Variants in PLCG2 observed in about 807,000 individuals in gnomAD.
The protein encoded by PLCG2 is phospholipase C gamma 2.
Under a neutral mutation model 175.6 loss-of-function variants are expected in PLCG2, and 69 were observed. The observed-to-expected ratio is 0.39, with a 90% CI of 0.32 to 0.48. PLCG2 has a LOEUF of 0.48. PLCG2 is among the 20% of genes least tolerant of loss of function. The pLI, the probability that PLCG2 is intolerant of heterozygous loss-of-function variation, is 0.91. For missense variants in PLCG2, 1,798 were observed against 1,650.9 expected (o/e 1.09, Z -1.54); for synonymous variants, 827 against 624.0 (o/e 1.33, Z -4.85).
At chr16:81,781,876 C>A (rs1417284394) in intron 1 of PLCG2, among the ~76,000 whole-genome samples, 1 of 3,486 alleles carries the variant, frequency 2.9e-4, no homozygotes, top group Non-Finnish European at 5.3e-4. Flanking sequence ...CCCCCCCCCC[C>A]CCCGCCCGCC....
intron 9 of PLCG2, 63 bp from the exon 10 acceptor site, chr16:81,889,109 G>T: frequency 9.9e-7 from 1 of 1,005,556 alleles, no homozygotes; most frequent in East Asian, 2.6e-5. Flanking sequence ...GATGGACCCT[G>T]GGAAATGAAG....
In PLCG2 at chr16:81,962,356, T is replaced by A. The variant is rs1911809245; in HGVS notation, c.*4358T>A. On this transcript the variant is annotated 3_prime_UTR_variant, in exon 33 of 33. Transcript: ENST00000564138. Reference sequence around the variant, plus strand: ...AAAAGTTAATAATTAGATTTGGAATTATACAGAATTAGAAAATTGGCATTT... The same window carrying A: ...AAAAGTTAATAATTAGATTTGGAATAATACAGAATTAGAAAATTGGCATTT... 1 of 207,428 alleles carries A rather than the reference T, an allele frequency of 4.8e-6. No individual in the cohort carries two copies. Among genetic ancestry groups the A allele is most frequent in the African/African-American group, 2.3e-5 (1 of 43,978 alleles). The allele number at this position is 207,428 out of a possible 1,614,324, so 12.8% of individuals were successfully genotyped here.
chr16:81,918,697 G>A (rs1909940431), intron 19 of PLCG2, among the ~76,000 whole-genome samples: 1 of 152,122 alleles, frequency 6.6e-6, no homozygotes, highest in African/African-American at 2.4e-5. Context: ...CTGCAGCTTT[G>A]TTATTTTTGC....
At chr16:81,885,624 C>A (rs959982384) in intron 9 of PLCG2, among the ~76,000 whole-genome samples, 4 of 149,832 alleles carry the variant, frequency 2.7e-5, no homozygotes, top group Non-Finnish European at 4.5e-5. Flanking sequence ...ACAGATAGAA[C>A]TTTTTTTTTT....
intron 26 of PLCG2, among the ~76,000 whole-genome samples, chr16:81,934,874 AAACCATCAG>A (rs1910643364): frequency 6.6e-6 from 1 of 152,144 alleles, no homozygotes; most frequent in Admixed American, 6.5e-5. Flanking sequence ...AACCCTTATA[AAACCATCAG>A]ATCTCGCGAG....
intron 2 of PLCG2, among the ~76,000 whole-genome samples, chr16:81,764,869 C>A (rs1449265631): frequency 6.6e-6 from 1 of 152,050 alleles, no homozygotes; most frequent in Non-Finnish European, 1.5e-5. Flanking sequence ...GTGGGCAGAT[C>A]ACTTGAGCTC....
chr16:81,897,548 C>CTTTTTTTTT (rs10710027), intron 13 of PLCG2, among the ~76,000 whole-genome samples: 1 of 128,676 alleles, frequency 7.8e-6, no homozygotes, highest in Non-Finnish European at 1.6e-5. Context: ...CTTTTCTTTT[C>CTTTTTTTTT]TTTTTTTTTT....
chr16:81,805,786 T>G (rs1318861184), intron 2 of PLCG2, among the ~76,000 whole-genome samples: 1 of 142,156 alleles, frequency 7.0e-6, no homozygotes, highest in African/African-American at 2.7e-5. Context: ...TTTTTTTGTT[T>G]TTTTTTTTTT....
At chr16:81,824,294 T>C (rs13335168) in intron 2 of PLCG2, among the ~76,000 whole-genome samples, 6,026 of 152,054 alleles carry the variant, frequency 0.04, 172 homozygotes, top group African/African-American at 0.073. Context: ...TCACCACACC[T>C]GGCTAATTTG....
intron 5 of PLCG2, among the ~76,000 whole-genome samples, chr16:81,862,634 C>T (rs1907038467): frequency 6.6e-6 from 1 of 152,090 alleles, no homozygotes; most frequent in Non-Finnish European, 1.5e-5. Context: ...GTTTGGGAGG[C>T]CAAGGCGGGT....
chr16:81,792,437 C>T (rs1243437248), intron 2 of PLCG2, among the ~76,000 whole-genome samples: 1 of 127,598 alleles, frequency 7.8e-6, no homozygotes, highest in African/African-American at 3.0e-5. Context: ...GCCGAGATCA[C>T]TCCACTGCAC....
intron 24 of PLCG2, chr16:81,928,920 T>G: frequency 2.9e-6 from 1 of 350,484 alleles, no homozygotes; most frequent in Non-Finnish European, 5.3e-6. Flanking sequence ...CCATCTGTGT[T>G]TCCCATGCGT....
chr16:81,914,252 C>T (rs1462824536), intron 19 of PLCG2, among the ~76,000 whole-genome samples: 2 of 152,210 alleles, frequency 1.3e-5, no homozygotes, highest in African/African-American at 2.4e-5. Context: ...CTGACACAAC[C>T]GGATCGGGGC....
intron 2 of PLCG2, among the ~76,000 whole-genome samples, chr16:81,812,849 G>A (rs1014644171): frequency 6.6e-6 from 1 of 152,090 alleles, no homozygotes; most frequent in Non-Finnish European, 1.5e-5. Flanking sequence ...GTTAATTTTT[G>A]TATAAGGTGT....
chr16:81,812,995 T>C (rs1904383977), intron 2 of PLCG2, among the ~76,000 whole-genome samples: 2 of 152,180 alleles, frequency 1.3e-5, no homozygotes, highest in Admixed American at 1.3e-4. Flanking sequence ...AGATGTGTGA[T>C]GTTATTTCTG....
chr16:81,800,941 C>A (rs1433571502), intron 2 of PLCG2, among the ~76,000 whole-genome samples: 1 of 152,016 alleles, frequency 6.6e-6, no homozygotes, highest in Non-Finnish European at 1.5e-5. Context: ...CCAGCTGGCT[C>A]TGAAGATGGA....
chr16:81,790,300 T>G (rs903319870), intron 2 of PLCG2, among the ~76,000 whole-genome samples: 7 of 152,210 alleles, frequency 4.6e-5, no homozygotes, highest in African/African-American at 1.7e-4. Context: ...ATTCTCAGGT[T>G]TTCAGAAGAG....
At chr16:81,880,849 C>G in intron 7 of PLCG2, 61 bp from the exon 8 acceptor site, 2 of 1,494,364 alleles carry the variant, frequency 1.3e-6, no homozygotes, top group South Asian at 1.2e-5. Context: ...AAAAATCTTT[C>G]CGTTTTTGCA....
chr16:81,848,582 T>A (rs989754733), intron 2 of PLCG2, among the ~76,000 whole-genome samples: 3 of 152,196 alleles, frequency 2.0e-5, no homozygotes. Flanking sequence ...TCTCCCTTGG[T>A]CTCCCTTGTC....
Sources: allele counts gnomAD v4.1 joint callset (sites outside exome capture counted in the v4.1 genomes callset), GRCh38; gene constraint gnomAD v4.1.1; transcripts MANE v1.5; gene names NCBI Gene and HGNC (gene_info 2026-07-23, HGNC 2026-07-21).